The following TNFSF8 variants were observed in gnomAD, a reference collection of about 807,000 sequenced individuals.
The protein encoded by TNFSF8 is TNF superfamily member 8, also known as tumor necrosis factor ligand superfamily member 8.
A neutral mutation model predicts 22.0 loss-of-function variants in TNFSF8; 4 were observed. The ratio of observed to expected loss-of-function variants is 0.18; its 90% CI spans 0.09 to 0.42. TNFSF8 has a LOEUF of 0.42. Ranked by LOEUF, TNFSF8 falls within the 10% of genes least tolerant of loss-of-function variation. The pLI is 1.00. For missense variants in TNFSF8, 233 were observed against 281.8 expected, an observed-to-expected ratio of 0.83 and a Z score of 1.24; for synonymous variants, 106 against 112.5, an observed-to-expected ratio of 0.94 and a Z score of 0.37.
intron 1 of TNFSF8, among the ~76,000 whole-genome samples, chr9:114,923,478 T>TTTTCTTTCTTTCTTTCTTTCTTTCTTTC (rs71375260): frequency 3.7e-4 from 39 of 105,692 alleles, no homozygotes; most frequent in South Asian, 6.3e-4. Context: ...TTTTCTTTCT[T>TTTTCTTTCTTTCTTTCTTTCTTTCTTTC]TTTCTTTCTT....
In TNFSF8 at chr9:114,918,145, G is replaced by C; in HGVS notation, c.196-7C>G. 1.2e-6 allele frequency: 2 copies of C among 1,600,108 alleles called. No homozygotes were observed. Among genetic ancestry groups the C allele is most frequent in the Non-Finnish European group, 8.5e-7 (1 of 1,174,228 alleles). ...GTGAGTTGGGAATGGAGTCCTGGAA[G>C]AAAAGAAAGAAAAAAGCAGCATGAG... On this transcript the variant is annotated splice_region_variant and splice_polypyrimidine_tract_variant and intron_variant, in intron 1 of 3. Transcript: ENST00000223795.
At chr9:114,904,910 T>A (rs1213000899) in intron 3 of TNFSF8, among the ~76,000 whole-genome samples, 2 of 152,228 alleles carry the variant, frequency 1.3e-5, no homozygotes. Context: ...ATTGTCTGAA[T>A]TTTTGAATGC....
chr9:114,894,443 G>A (rs2131336973), intron 4 of TNFSF8, among the ~76,000 whole-genome samples: 1 of 152,278 alleles, frequency 6.6e-6, no homozygotes, highest in Admixed American at 6.5e-5. Flanking sequence ...GGACCTTGTG[G>A]ACAAAGGAAT....
intron 1 of TNFSF8, among the ~76,000 whole-genome samples, chr9:114,923,489 T>C (rs1195607057): frequency 2.8e-5 from 2 of 72,652 alleles, no homozygotes; most frequent in Non-Finnish European, 4.5e-5. Flanking sequence ...TTTCTTTCTT[T>C]CTTTCTTTCT....
chr9:114,910,352 C>T (rs1196964861), intron 2 of TNFSF8, among the ~76,000 whole-genome samples: 2 of 152,206 alleles, frequency 1.3e-5, no homozygotes, highest in Non-Finnish European at 2.9e-5. Context: ...GAAAGGGTCA[C>T]TAAATGCCAT....
At chr9:114,898,327 C>T (rs542583066), downstream of TNFSF8, among the ~76,000 whole-genome samples, 19 of 152,222 alleles carry the variant, frequency 1.2e-4, no homozygotes, top group East Asian at 3.3e-3. Flanking sequence ...CGTTGGATTG[C>T]TTTGAAGATT....
downstream of TNFSF8, among the ~76,000 whole-genome samples, chr9:114,899,680 T>A (rs1827695902): frequency 6.6e-6 from 1 of 152,210 alleles, no homozygotes; most frequent in African/African-American, 2.4e-5. Context: ...TTGGCAGAGC[T>A]GTAGCACATA....
chr9:114,895,455 G>A (rs1483727950), intron 4 of TNFSF8, among the ~76,000 whole-genome samples: 2 of 152,208 alleles, frequency 1.3e-5, no homozygotes, highest in African/African-American at 4.8e-5. Flanking sequence ...GCCTGACAGA[G>A]ACCTTTGTTG....
chr9:114,893,962 G>T, exon 5 of TNFSF8: 1 of 805,172 alleles, frequency 1.2e-6, no homozygotes, highest in Non-Finnish European at 2.0e-6. Context: ...ACCGTTTCCT[G>T]GCTATGTCGG....
At position 114,903,883 on chromosome 9, in the gene TNFSF8, A is replaced by G. The variant is rs375022232; in HGVS notation, c.*48T>C. On this transcript the variant is annotated 3_prime_UTR_variant, in exon 4 of 4. Coordinates refer to ENST00000223795, the MANE Select transcript of TNFSF8 (RefSeq NM_001244.4). ...GCCCAAGTGTTTGGAGGGATGAAATACTGTATGGTAGAGAGGCGCTTTCTT... is the reference window on the plus strand; with the variant it reads ...GCCCAAGTGTTTGGAGGGATGAAATGCTGTATGGTAGAGAGGCGCTTTCTT... 180 of 1,546,960 alleles carry G rather than the reference A, an allele frequency of 1.2e-4. 1 individual carries two copies. Among genetic ancestry groups the G allele is most frequent in the Non-Finnish European group, 1.4e-4 (160 of 1,151,690 alleles).
At chr9:114,927,802 G>A (rs766997399) in intron 1 of TNFSF8, among the ~76,000 whole-genome samples, 19 of 152,150 alleles carry the variant, frequency 1.2e-4, no homozygotes, top group Non-Finnish European at 2.4e-4. Context: ...TTTTAATAAT[G>A]GTGATGTGAG....
chr9:114,925,488 A>G (rs1828046234), intron 1 of TNFSF8, among the ~76,000 whole-genome samples: 1 of 152,058 alleles, frequency 6.6e-6, no homozygotes, highest in Admixed American at 6.5e-5. Flanking sequence ...ACCCATTCAG[A>G]CGTGTCTGCC....
At chr9:114,897,869 T>C (rs1186282675), downstream of TNFSF8, among the ~76,000 whole-genome samples, 1 of 152,188 alleles carries the variant, frequency 6.6e-6, no homozygotes, top group Admixed American at 6.5e-5. Context: ...TCATAGTGAC[T>C]GGAGCGTGGA....
rs1827712292 is a variant in TNFSF8 at position 114,901,201 on chromosome 9, G to GT, written c.*2729dup. On this transcript the variant is annotated 3_prime_UTR_variant, in exon 4 of 4. Coordinates refer to ENST00000223795, the MANE Select transcript of TNFSF8 (RefSeq NM_001244.4). ...GCATAGATATCATTTTACTCATGGA[G>GT]TATCATTTGCTCATAACATTCCCAG... The GT allele has an allele frequency of 1.0e-6, 1 of 985,314 alleles. No homozygotes were observed. Among genetic ancestry groups the GT allele is most frequent in the East Asian group, 1.1e-4 (1 of 8,826 alleles). The allele number at this position is 985,314 out of a possible 1,614,324, so 61.0% of individuals were successfully genotyped here.
At position 114,919,302 on chromosome 9, in the gene TNFSF8, A is replaced by T. The variant is rs566369537; in HGVS notation, c.196-1164T>A. Among the ~76,000 whole-genome samples, 10 of 152,260 alleles carry T rather than the reference A, an allele frequency of 6.6e-5. No individual in the cohort carries two copies. The East Asian group carries it at 1.9e-3, about 29-fold the overall frequency. On this transcript the variant is annotated intron_variant, in intron 1 of 3. Coordinates refer to ENST00000223795, the MANE Select transcript of TNFSF8 (RefSeq NM_001244.4). The stretch of plus-strand genomic sequence containing the variant: ...ATAGTATATTATTTATTCTGTAATA[A>T]ATATATACATAAATATTTACACAAA...
At chr9:114,916,288 G>A (rs540471899) in intron 2 of TNFSF8, among the ~76,000 whole-genome samples, 15 of 152,256 alleles carry the variant, frequency 9.9e-5, no homozygotes, top group African/African-American at 2.9e-4. Flanking sequence ...CTTATTTTTT[G>A]TACTTCACTT....
chr9:114,915,394 G>A (rs1328216292), intron 2 of TNFSF8, among the ~76,000 whole-genome samples: 1 of 152,194 alleles, frequency 6.6e-6, no homozygotes, highest in Non-Finnish European at 1.5e-5. Flanking sequence ...GAAAAGACTT[G>A]TTGATGTGGT....
rs140962100 is a variant in TNFSF8 at position 114,902,336 on chromosome 9, T to C, written c.*1595A>G. ...AGGTGTTTGAAGCAGGAATATATTA[T>C]GCAGGGGATGGAGCAGCCATTCCCT... is the stretch of plus-strand genomic sequence containing the variant. On this transcript the variant is annotated 3_prime_UTR_variant, in exon 4 of 4. Transcript: ENST00000223795. 2.0e-6 allele frequency: 2 copies of C among 985,424 alleles called. No individual in the cohort carries two copies. Among genetic ancestry groups the C allele is most frequent in the African/African-American group, 1.7e-5 (1 of 57,356 alleles). The allele number at this position is 985,424 out of a possible 1,614,324, so 61.0% of individuals were successfully genotyped here. A position where few individuals can be genotyped will look rare whatever the true frequency, so the allele number is the denominator to read the frequency against.
intron 2 of TNFSF8, among the ~76,000 whole-genome samples, chr9:114,909,937 A>G (rs901418609): frequency 1.3e-5 from 2 of 152,182 alleles, no homozygotes; most frequent in Non-Finnish European, 2.9e-5. Flanking sequence ...TGTGCTCCTC[A>G]ATGTTGCCCC....
Sources: allele counts gnomAD v4.1 joint callset (sites outside exome capture counted in the v4.1 genomes callset), GRCh38; gene constraint gnomAD v4.1.1; transcripts MANE v1.5; gene names NCBI Gene and HGNC (gene_info 2026-07-23, HGNC 2026-07-21).